SH3RF3: variants seen among roughly 807,000 people sequenced by gnomAD.
The protein encoded by SH3RF3 is E3 ubiquitin-protein ligase SH3RF3.
SH3RF3 carries 29 observed loss-of-function variants against 66.3 expected under a neutral mutation model. The ratio of observed to expected loss-of-function variants is 0.44; its 90% CI spans 0.33 to 0.60. The LOEUF is 0.60. SH3RF3 is among the 20% of genes least tolerant of loss of function. The pLI is 0.04. For missense variants in SH3RF3, 1,194 were observed against 1,190.9 expected, an observed-to-expected ratio of 1.00 and a Z score of -0.04; for synonymous variants, 583 against 532.0, an observed-to-expected ratio of 1.10 and a Z score of -1.32.
intron 1 of SH3RF3, among the ~76,000 whole-genome samples, chr2:109,199,587 T>TCAACCCGAGTGCA (rs1558953897): frequency 1.0e-3 from 1 of 978 alleles, no homozygotes; most frequent in Non-Finnish European, 2.3e-3. Context: ...TGGAATGGAA[T>TCAACCCGAGTGCA]GGAATGGAAT....
At chr2:109,280,385 C>A (rs1300097663) in intron 1 of SH3RF3, among the ~76,000 whole-genome samples, 1 of 152,144 alleles carries the variant, frequency 6.6e-6, no homozygotes, top group African/African-American at 2.4e-5. Flanking sequence ...AGCAGCATCC[C>A]ACCTGAGTGC....
At chr2:109,273,411 CCT>C (rs1680672668) in intron 1 of SH3RF3, among the ~76,000 whole-genome samples, 3 of 152,162 alleles carry the variant, frequency 2.0e-5, no homozygotes, top group Non-Finnish European at 2.9e-5. Context: ...CCAAGGGGAC[CCT>C]GAGACCCATG....
chr2:109,188,057 C>T lies in SH3RF3; in HGVS notation c.573+57944C>T, dbSNP rs114886784. On this transcript the variant is annotated intron_variant, in intron 1 of 9. Coordinates refer to ENST00000309415, the MANE Select transcript of SH3RF3 (RefSeq NM_001099289.3). ...GTCTGCACCGGCTTGCAGCCCACCC[C>T]GTGAGCGTAGTGAGTGGTCCCGAAC... Among the ~76,000 whole-genome samples, 1,011 of 152,306 alleles carry T rather than the reference C, an allele frequency of 6.6e-3. 3 individuals carry two copies. The highest frequency in any genetic ancestry group is 0.011 in the Non-Finnish European group (747 of 68,028).
chr2:109,326,635 T>C (rs1574575574), intron 1 of SH3RF3, among the ~76,000 whole-genome samples: 1 of 152,372 alleles, frequency 6.6e-6, no homozygotes, highest in East Asian at 1.9e-4. Flanking sequence ...GGACCATTTG[T>C]GTTCATAGCC....
At chr2:109,445,317 TCA>T (rs1677675078) in intron 7 of SH3RF3, among the ~76,000 whole-genome samples, 1 of 152,170 alleles carries the variant, frequency 6.6e-6, no homozygotes, top group Non-Finnish European at 1.5e-5. Flanking sequence ...GCTCAAGTCC[TCA>T]CACAGAAAGC....
chr2:109,441,038 C>A (rs953755971), intron 7 of SH3RF3, among the ~76,000 whole-genome samples: 1 of 151,388 alleles, frequency 6.6e-6, no homozygotes, highest in African/African-American at 2.4e-5. Context: ...CCAATTTCAC[C>A]CAACAGAGCT....
chr2:109,484,600 C>G (rs1382132443), intron 8 of SH3RF3, among the ~76,000 whole-genome samples: 1 of 152,214 alleles, frequency 6.6e-6, no homozygotes, highest in African/African-American at 2.4e-5. Context: ...CAAAGCTTCC[C>G]TGGTCCATCA....
chr2:109,416,250 G>A (rs1461887750), intron 4 of SH3RF3, among the ~76,000 whole-genome samples: 1 of 152,124 alleles, frequency 6.6e-6, no homozygotes, highest in African/African-American at 2.4e-5. Context: ...TTGGGTACCT[G>A]TGTAAGGGGC....
At chr2:109,406,863 AG>A (rs1180906008) in intron 4 of SH3RF3, among the ~76,000 whole-genome samples, 1 of 151,428 alleles carries the variant, frequency 6.6e-6, no homozygotes, top group African/African-American at 2.4e-5. Flanking sequence ...CCAATCTTAC[AG>A]CCCCGCCCTG....
chr2:109,307,114 G>A (rs980569081), intron 1 of SH3RF3, among the ~76,000 whole-genome samples: 1 of 152,176 alleles, frequency 6.6e-6, no homozygotes, highest in Admixed American at 6.5e-5. Flanking sequence ...CTCTTACAGT[G>A]GCTTGAAATT....
intron 8 of SH3RF3, among the ~76,000 whole-genome samples, chr2:109,466,861 A>C (rs969699656): frequency 6.6e-6 from 1 of 151,884 alleles, no homozygotes; most frequent in African/African-American, 2.4e-5. Flanking sequence ...ATACATGTGC[A>C]TGTGTGTATA....
intron 1 of SH3RF3, among the ~76,000 whole-genome samples, chr2:109,142,967 G>A (rs752792904): frequency 2.9e-4 from 44 of 152,128 alleles, no homozygotes; most frequent in Admixed American, 7.2e-4. Context: ...AGTGCCGGGG[G>A]CTTGGGGCTG....
At chr2:109,213,040 C>T (rs1679027074) in intron 1 of SH3RF3, among the ~76,000 whole-genome samples, 1 of 152,186 alleles carries the variant, frequency 6.6e-6, no homozygotes, top group Non-Finnish European at 1.5e-5. Flanking sequence ...GCACTCTGAG[C>T]AGGTGGAGGA....
intron 1 of SH3RF3, among the ~76,000 whole-genome samples, chr2:109,326,356 G>T (rs1478077197): frequency 6.6e-6 from 1 of 151,832 alleles, no homozygotes. Flanking sequence ...AGTTGTTGTT[G>T]TTCTTTTTTT....
chr2:109,209,860 AT>A (rs1403200306), intron 1 of SH3RF3, among the ~76,000 whole-genome samples: 1 of 152,172 alleles, frequency 6.6e-6, no homozygotes, highest in African/African-American at 2.4e-5. Context: ...AAATTTTACC[AT>A]TTTTAAGTCT....
chr2:109,433,096 AG>A (rs1359522239), intron 6 of SH3RF3, among the ~76,000 whole-genome samples: 3 of 152,246 alleles, frequency 2.0e-5, no homozygotes, highest in African/African-American at 7.2e-5. Context: ...GAGTATGTGC[AG>A]TGTGCGTGCC....
At chr2:109,192,359 G>T (rs1678387669) in intron 1 of SH3RF3, among the ~76,000 whole-genome samples, 1 of 152,342 alleles carries the variant, frequency 6.6e-6, no homozygotes, top group African/African-American at 2.4e-5. Context: ...CTCTTCTTTT[G>T]AGCAGGCATC....
intron 1 of SH3RF3, among the ~76,000 whole-genome samples, chr2:109,130,373 G>C (rs1409821523): frequency 6.6e-6 from 1 of 152,196 alleles, no homozygotes; most frequent in African/African-American, 2.4e-5. Context: ...CCGATTCCTT[G>C]GCCGGACTTG....
intron 3 of SH3RF3, among the ~76,000 whole-genome samples, chr2:109,392,330 T>C (rs1676020899): frequency 6.6e-6 from 1 of 152,160 alleles, no homozygotes; most frequent in Non-Finnish European, 1.5e-5. Context: ...GCAGTAGCAA[T>C]GGTGCTGCTT....
Sources: allele counts gnomAD v4.1 joint callset (sites outside exome capture counted in the v4.1 genomes callset), GRCh38; gene constraint gnomAD v4.1.1; transcripts MANE v1.5; gene names NCBI Gene and HGNC (gene_info 2026-07-23, HGNC 2026-07-21).